The following CCDC73 variants were observed in gnomAD, a reference collection of about 807,000 sequenced individuals.
The protein encoded by CCDC73 is coiled-coil domain containing 73, also known as coiled-coil domain-containing protein 73.
A neutral mutation model predicts 116.5 loss-of-function variants in CCDC73; 95 were observed. The ratio of observed to expected loss-of-function variants is 0.82; its 90% CI spans 0.69 to 0.97. The LOEUF is 0.97. CCDC73 is among the 50% of genes least tolerant of loss of function. The pLI is 0.00. For synonymous variants in CCDC73, 398 were observed against 401.3 expected, an observed-to-expected ratio of 0.99 and a Z score of 0.10; for missense variants, 1,066 against 1,206.8, an observed-to-expected ratio of 0.88 and a Z score of 1.73.
At position 32,614,082 on chromosome 11, in the gene CCDC73, T is replaced by C. The variant is rs1218927106; in HGVS notation, c.2236A>G (p.Lys746Glu). The change falls in exon 16 of 18, where the codon AAA becomes GAA. Residue 746 changes from lysine (K) to glutamate (E), a missense_variant. By Grantham distance (56) the Lys-to-Glu change is moderately conservative (BLOSUM62 1). Transcript: ENST00000335185. The stretch of plus-strand genomic sequence containing the variant: ...TCACTCATATTTTTACACATAGTTT[T>C]TCCCCCAGGGCTTGAGTTAGGTTTC... The part of the protein sequence containing the change: ...LVKPNSSPGG[K>E]TMCKNMSDMQ... 2.5e-6 allele frequency: 4 copies of C among 1,613,344 alleles called. No individual in the cohort carries two copies. The African/African-American group carries it at 4.0e-5, about 16-fold the overall frequency.
At chr11:32,633,287 T>C (rs1454128746) in intron 14 of CCDC73, among the ~76,000 whole-genome samples, 1 of 147,138 alleles carries the variant, frequency 6.8e-6, no homozygotes, top group Non-Finnish European at 1.5e-5. Flanking sequence ...AGAGAGAAGA[T>C]ACAAATTACA....
chr11:32,718,164 A>C lies in CCDC73; in HGVS notation c.136-17T>G. On this transcript the variant is annotated splice_polypyrimidine_tract_variant and intron_variant, in intron 2 of 17. Coordinates refer to ENST00000335185, the MANE Select transcript of CCDC73 (RefSeq NM_001008391.4). ...TTCTGCTTCCTAAGTCAAAAAGAAA[A>C]AGAAAAGTGCTATAAAAATAAAGAC... 1 of 1,538,722 alleles carries C rather than the reference A, an allele frequency of 6.5e-7. No homozygotes were observed. The highest frequency in any genetic ancestry group is 2.3e-5 in the East Asian group (1 of 44,270).
At chr11:32,769,584 G>A (rs1183936817) in intron 1 of CCDC73, among the ~76,000 whole-genome samples, 2 of 152,270 alleles carry the variant, frequency 1.3e-5, no homozygotes, top group African/African-American at 4.8e-5. Context: ...AGATTCAAGG[G>A]ATGGAGAAAT....
At chr11:32,810,627 GAAT>G in the CCDC73 span, among the ~76,000 whole-genome samples, 1 of 152,040 alleles carries the variant, frequency 6.6e-6, no homozygotes, top group African/African-American at 2.4e-5. Flanking sequence ...CCCTAATATA[GAAT>G]AATAAGAGAA....
At chr11:32,725,279 T>C (rs909853821) in intron 2 of CCDC73, among the ~76,000 whole-genome samples, 2 of 152,182 alleles carry the variant, frequency 1.3e-5, no homozygotes, top group Admixed American at 6.5e-5. Context: ...TTTATTATAG[T>C]ATATTGCTAT....
intron 2 of CCDC73, among the ~76,000 whole-genome samples, chr11:32,755,617 G>GTGTA (rs1850329638): frequency 1.6e-5 from 1 of 61,902 alleles, no homozygotes; most frequent in African/African-American, 6.0e-5. Flanking sequence ...ATATGTGTGT[G>GTGTA]TATATATATA....
At chr11:32,829,056 T>C in the CCDC73 span, among the ~76,000 whole-genome samples, 1 of 152,188 alleles carries the variant, frequency 6.6e-6, no homozygotes, top group African/African-American at 2.4e-5. Flanking sequence ...GGAGGATCTC[T>C]TGAGCCCAGG....
intron 13 of CCDC73, among the ~76,000 whole-genome samples, chr11:32,640,612 C>T (rs939798351): frequency 3.9e-5 from 6 of 152,068 alleles, no homozygotes; most frequent in Admixed American, 6.6e-5. Context: ...TACCATTTAA[C>T]GATTTTTTAG....
chr11:32,614,546 T>C lies in CCDC73; in HGVS notation c.1772A>G (p.Asn591Ser), dbSNP rs773786015. ...CTCATTTTCAGAAACATCTTTATTATTATTGTGATATGTATTGTGTGCTGT... is the reference window on the plus strand; with the variant it reads ...CTCATTTTCAGAAACATCTTTATTACTATTGTGATATGTATTGTGTGCTGT... ...NETAHNTYHN[N>S]NKDVSENEPF... The change falls in exon 16 of 18, where the codon AAT becomes AGT. Residue 591 changes from asparagine (N) to serine (S), a missense_variant. By Grantham distance (46) the Asn-to-Ser change is conservative. Transcript: ENST00000335185. The C allele has an allele frequency of 6.2e-7, 1 of 1,613,100 alleles. No homozygotes were observed.
the CCDC73 span, among the ~76,000 whole-genome samples, chr11:32,811,283 T>C: frequency 6.6e-6 from 1 of 152,322 alleles, no homozygotes; most frequent in East Asian, 1.9e-4. Flanking sequence ...TTTCTTTGCT[T>C]ATCCTTATAG....
chr11:32,621,307 A>G (rs1186332860), intron 14 of CCDC73, among the ~76,000 whole-genome samples: 3 of 152,220 alleles, frequency 2.0e-5, no homozygotes, highest in Non-Finnish European at 2.9e-5. Flanking sequence ...ACAACTTGGT[A>G]TTGGTACCAA....
chr11:32,651,189 A>G (rs1041093708), intron 12 of CCDC73, among the ~76,000 whole-genome samples: 7 of 152,094 alleles, frequency 4.6e-5, no homozygotes, highest in Admixed American at 1.3e-4. Context: ...CTTCACCCCA[A>G]CCCATGGCAA....
intron 3 of CCDC73, among the ~76,000 whole-genome samples, chr11:32,705,647 T>G (rs1038122267): frequency 2.0e-5 from 3 of 152,022 alleles, no homozygotes; most frequent in Non-Finnish European, 2.9e-5. Context: ...GTCCAGCGGG[T>G]GCGAGCAAAA....
chr11:32,743,182 A>G (rs1013564725), intron 2 of CCDC73, among the ~76,000 whole-genome samples: 16 of 152,140 alleles, frequency 1.1e-4, no homozygotes, highest in Non-Finnish European at 1.6e-4. Flanking sequence ...GTTTTTTCCA[A>G]TTCTGTGAAA....
chr11:32,689,327 G>A (rs1351231452), intron 6 of CCDC73, among the ~76,000 whole-genome samples: 1 of 152,070 alleles, frequency 6.6e-6, no homozygotes, highest in Non-Finnish European at 1.5e-5. Context: ...AAAGAGCTCT[G>A]TAGGAAGAAT....
chr11:32,736,182 T>C (rs1045111252), intron 2 of CCDC73, among the ~76,000 whole-genome samples: 9 of 148,682 alleles, frequency 6.1e-5, no homozygotes, highest in Admixed American at 6.7e-5. Context: ...AACTAAAGAG[T>C]TTCTGCACAG....
intron 17 of CCDC73, chr11:32,605,838 T>C (rs1855342862): frequency 6.6e-6 from 1 of 152,232 alleles, no homozygotes; most frequent in Admixed American, 6.5e-5. Context: ...CCTTGTATCT[T>C]CGTTCTTTCG....
chr11:32,758,081 G>C (rs1014418650), intron 2 of CCDC73, among the ~76,000 whole-genome samples: 1 of 152,068 alleles, frequency 6.6e-6, no homozygotes, highest in African/African-American at 2.4e-5. Flanking sequence ...GTCAAGTACC[G>C]CCATCAGGGT....
At chr11:32,765,405 C>T (rs1471662868) in intron 1 of CCDC73, among the ~76,000 whole-genome samples, 2 of 152,000 alleles carry the variant, frequency 1.3e-5, no homozygotes, top group African/African-American at 4.8e-5. Flanking sequence ...CAAATTATAA[C>T]AAACTGTCTC....
Sources: gnomAD v4.1 joint callset for allele counts (sites outside exome capture counted in the v4.1 genomes callset) on GRCh38, gnomAD v4.1.1 for gene constraint, MANE v1.5 for transcripts, NCBI Gene and HGNC (gene_info 2026-07-23, HGNC 2026-07-21) for gene names.